Variants in ZNF536 observed in about 807,000 individuals in gnomAD.
The protein encoded by ZNF536 is zinc finger protein 536.
In ZNF536, 13 loss-of-function variants were observed where a neutral mutation model predicts 84.5. That is an observed-to-expected ratio of 0.15 (90% CI 0.10 to 0.24). The LOEUF is 0.24. Among genes scored for constraint, ZNF536 ranks in the 10% least tolerant of loss-of-function variants. The pLI is 1.00. For synonymous variants in ZNF536, 811 were observed against 742.5 expected, an observed-to-expected ratio of 1.09 and a Z score of -1.50; for missense variants, 1,536 against 1,747.5, an observed-to-expected ratio of 0.88 and a Z score of 2.16.
At position 30,708,162 on chromosome 19, in the gene ZNF536, A is replaced by G. The variant is rs192129579; in HGVS notation, c.170-2595A>G. Among the ~76,000 whole-genome samples, 636 of 145,012 alleles carry G rather than the reference A, an allele frequency of 4.4e-3. 5 individuals carry two copies. Among genetic ancestry groups the G allele is most frequent in the Non-Finnish European group, 7.3e-3 (470 of 64,608 alleles). On this transcript the variant is annotated intron_variant, in intron 1 of 1. Transcript: ENST00000592773. ...CTGAGATGGTCATGGTTCTTGCCCC[A>G]GGAATTCACGGCCTTTTTGGGAGGA... is the stretch of plus-strand genomic sequence containing the variant.
intron 1 of ZNF536, among the ~76,000 whole-genome samples, chr19:30,703,684 AC>A (rs1421669371): frequency 6.6e-6 from 1 of 152,152 alleles, no homozygotes. Flanking sequence ...TCGATGAAGA[AC>A]CAGGCAGAGC....
chr19:30,580,300 C>T (rs753925687), intron 1 of ZNF536, among the ~76,000 whole-genome samples: 1 of 152,154 alleles, frequency 6.6e-6, no homozygotes, highest in Non-Finnish European at 1.5e-5. Context: ...CAGGGAAGGG[C>T]CCATGCTGAA....
intron 2 of ZNF536, among the ~76,000 whole-genome samples, chr19:30,285,245 A>AT (rs993713011): frequency 4.6e-5 from 7 of 152,166 alleles, no homozygotes; most frequent in East Asian, 3.8e-4. Context: ...TTCAAAGCTG[A>AT]TTTTTTCCCC....
chr19:30,594,521 A>G (rs2047381950), intron 1 of ZNF536, among the ~76,000 whole-genome samples: 2 of 152,120 alleles, frequency 1.3e-5, no homozygotes, highest in African/African-American at 4.8e-5. Context: ...TTTTTTGCAT[A>G]ACTGGTAACA....
intron 1 of ZNF536, among the ~76,000 whole-genome samples, chr19:30,437,451 T>C (rs1251572652): frequency 6.6e-6 from 1 of 152,232 alleles, no homozygotes; most frequent in Non-Finnish European, 1.5e-5. Flanking sequence ...ATTTTGATAA[T>C]CTGTGCACCC....
intron 1 of ZNF536, among the ~76,000 whole-genome samples, chr19:30,664,477 C>T (rs529701666): frequency 1.2e-4 from 18 of 152,114 alleles, no homozygotes; most frequent in Non-Finnish European, 1.5e-4. Context: ...CTCAGAGCAA[C>T]AGGCACTGGT....
At chr19:30,609,932 A>G (rs2048040558) in intron 1 of ZNF536, among the ~76,000 whole-genome samples, 1 of 151,500 alleles carries the variant, frequency 6.6e-6, no homozygotes, top group African/African-American at 2.4e-5. Flanking sequence ...CCATCCATCC[A>G]TCCATCCATG....
intron 1 of ZNF536, among the ~76,000 whole-genome samples, chr19:30,596,940 C>T (rs922013050): frequency 5.7e-4 from 87 of 151,970 alleles, no homozygotes; most frequent in Middle Eastern, 6.8e-3. Context: ...CTGACCTTTT[C>T]GGGGAGCCCA....
intron 1 of ZNF536, among the ~76,000 whole-genome samples, chr19:30,648,617 A>G (rs1292107641): frequency 6.6e-6 from 1 of 152,098 alleles, no homozygotes; most frequent in Non-Finnish European, 1.5e-5. Flanking sequence ...TCCTTTTCAC[A>G]TTGTTTCACA....
rs191790886 is a variant in ZNF536 at position 30,346,142 on chromosome 19, G to C, written c.-119-6226G>C. Among the ~76,000 whole-genome samples the C allele has an allele frequency of 2.4e-3, 369 of 152,222 alleles. 5 individuals are homozygous for C. The highest frequency in any genetic ancestry group is 6.6e-4 in the Non-Finnish European group (45 of 68,000). ...CAAACTGGCTTCCAAGGGACCCCAA[G>C]GGTTTCCAAGGAGACACCTTGGGAG... On this transcript the variant is annotated intron_variant, in intron 2 of 5. Transcript: ENST00000585628.
chr19:30,261,622 C>A (rs775042002), intron 1 of ZNF536, among the ~76,000 whole-genome samples: 1 of 149,726 alleles, frequency 6.7e-6, no homozygotes, highest in Non-Finnish European at 1.5e-5. Context: ...TCATTTGAGC[C>A]CAAGAGTTCA....
chr19:30,420,125 G>C (rs1330371584), intron 1 of ZNF536, among the ~76,000 whole-genome samples: 1 of 152,212 alleles, frequency 6.6e-6, no homozygotes, highest in African/African-American at 2.4e-5. Context: ...CTTGTGCGTG[G>C]CTGAGAACAG....
In ZNF536 at chr19:30,581,856, C is replaced by T. The variant is rs539191071; in HGVS notation, c.169+32342C>T. 2.6e-5 allele frequency among the ~76,000 whole-genome samples: 4 copies of T among 152,264 alleles called. No individual in the cohort carries two copies. In the South Asian group the frequency reaches 8.3e-4, roughly 32 times the overall value. ...AGCTGAGGCAGGAGAATTGCTTGAACCCAGGAGGCAGAGGTTGCAGTAAGC... is the reference window on the plus strand; with the variant it reads ...AGCTGAGGCAGGAGAATTGCTTGAATCCAGGAGGCAGAGGTTGCAGTAAGC... On this transcript the variant is annotated intron_variant, in intron 1 of 1. Coordinates refer to the ZNF536 transcript ENST00000592773.
At chr19:30,418,422 A>G (rs1303230301) in intron 1 of ZNF536, among the ~76,000 whole-genome samples, 1 of 152,220 alleles carries the variant, frequency 6.6e-6, no homozygotes, top group East Asian at 1.9e-4. Flanking sequence ...TGTTAAATCT[A>G]AATGATAGAT....
chr19:30,646,058 G>A (rs1360784756), intron 1 of ZNF536, among the ~76,000 whole-genome samples: 1 of 152,116 alleles, frequency 6.6e-6, no homozygotes, highest in Non-Finnish European at 1.5e-5. Context: ...GTCTCCAAGT[G>A]CAAGAGTTTG....
At chr19:30,641,510 A>T (rs1200198259) in intron 1 of ZNF536, among the ~76,000 whole-genome samples, 1 of 152,204 alleles carries the variant, frequency 6.6e-6, no homozygotes, top group African/African-American at 2.4e-5. Context: ...ACACTAAAAT[A>T]TCATTATATA....
At chr19:30,592,826 A>C (rs2047321216) in intron 1 of ZNF536, among the ~76,000 whole-genome samples, 1 of 152,210 alleles carries the variant, frequency 6.6e-6, no homozygotes, top group Non-Finnish European at 1.5e-5. Flanking sequence ...AAATTCTTGT[A>C]AGTGATTGCT....
At chr19:30,495,940 A>G (rs569679172) in intron 2 of ZNF536, among the ~76,000 whole-genome samples, 62 of 152,236 alleles carry the variant, frequency 4.1e-4, no homozygotes, top group Non-Finnish European at 8.2e-4. Flanking sequence ...AGTCAAAAGC[A>G]TCAGGATTCA....
intron 1 of ZNF536, among the ~76,000 whole-genome samples, chr19:30,442,641 A>C (rs990857217): frequency 1.1e-4 from 17 of 152,218 alleles, no homozygotes; most frequent in Non-Finnish European, 1.9e-4. Context: ...GAACAACTTC[A>C]ACAATCTGCT....
Sources: gnomAD v4.1 joint callset for allele counts (sites outside exome capture counted in the v4.1 genomes callset) on GRCh38, gnomAD v4.1.1 for gene constraint, MANE v1.5 for transcripts, NCBI Gene and HGNC (gene_info 2026-07-23, HGNC 2026-07-21) for gene names.